The following UTS2 variants were observed in gnomAD, a reference collection of about 807,000 sequenced individuals.
The protein encoded by UTS2 is urotensin-2.
UTS2 carries 10 observed loss-of-function variants against 12.6 expected under a neutral mutation model. That is an observed-to-expected ratio of 0.80 (90% confidence interval 0.49 to 1.35). UTS2 has a LOEUF of 1.35. Among genes scored for constraint, UTS2 ranks in the 40% most tolerant of loss-of-function variants. The pLI is 0.00. For synonymous variants in UTS2, 52 were observed against 50.0 expected (o/e 1.04, Z -0.17); for missense variants, 142 against 143.2 (o/e 0.99, Z 0.04).
chr1:7,849,713 A>G (rs754784083), intron 2 of UTS2, 30 bp from the exon 3 acceptor site: 4 of 1,585,700 alleles, frequency 2.5e-6, no homozygotes, highest in Non-Finnish European at 3.4e-6. Flanking sequence ...CCAGTTCATC[A>G]GATCTGTTGT....
the UTS2 span, among the ~76,000 whole-genome samples, chr1:7,907,317 G>A: frequency 6.6e-6 from 1 of 151,488 alleles, no homozygotes; most frequent in Non-Finnish European, 1.5e-5. Flanking sequence ...GTGAAAGAGT[G>A]TGAGTGGAAG....
At chr1:7,891,536 A>AAAAGGAAGAAAGAAAG in the UTS2 span, among the ~76,000 whole-genome samples, 1 of 109,820 alleles carries the variant, frequency 9.1e-6, no homozygotes, top group Admixed American at 1.1e-4. Flanking sequence ...AGAAAGAAAG[A>AAAAGGAAGAAAGAAAG]AAAGAAAGAA....
chr1:7,891,970 G>A, the UTS2 span, among the ~76,000 whole-genome samples: 2 of 152,144 alleles, frequency 1.3e-5, no homozygotes, highest in African/African-American at 4.8e-5. Flanking sequence ...GGTGGCGACA[G>A]TTTCACACGT....
At chr1:7,874,653 C>A in the UTS2 span, among the ~76,000 whole-genome samples, 5 of 152,350 alleles carry the variant, frequency 3.3e-5, no homozygotes, top group African/African-American at 1.2e-4. Context: ...CCACTGACAG[C>A]ACCCCCACCA....
the UTS2 span, among the ~76,000 whole-genome samples, chr1:7,909,245 A>T: frequency 6.6e-6 from 1 of 152,150 alleles, no homozygotes; most frequent in Admixed American, 6.6e-5. Flanking sequence ...TAGCTTTTTG[A>T]AAGTTAATTA....
the UTS2 span, among the ~76,000 whole-genome samples, chr1:7,912,668 C>A: frequency 5.0e-4 from 76 of 152,220 alleles, no homozygotes; most frequent in African/African-American, 1.8e-3. Context: ...GTTGGCCAGG[C>A]TAGTCTCGAA....
chr1:7,909,848 C>T, the UTS2 span, among the ~76,000 whole-genome samples: 1 of 152,062 alleles, frequency 6.6e-6, no homozygotes, highest in Admixed American at 6.6e-5. Context: ...TCTCAAACTC[C>T]TGACCTCAAG....
At chr1:7,863,734 G>T in the UTS2 span, among the ~76,000 whole-genome samples, 2 of 152,172 alleles carry the variant, frequency 1.3e-5, no homozygotes, top group Admixed American at 1.3e-4. Flanking sequence ...CAAATTTAAC[G>T]TCTAGTTATC....
At chr1:7,907,580 G>A in the UTS2 span, among the ~76,000 whole-genome samples, 9 of 151,412 alleles carry the variant, frequency 5.9e-5, no homozygotes, top group Non-Finnish European at 7.4e-5. Flanking sequence ...GTTCAAGGCT[G>A]CAGTGAGCTA....
At chr1:7,857,380 G>A (rs759059294), upstream of UTS2, among the ~76,000 whole-genome samples, 7 of 151,732 alleles carry the variant, frequency 4.6e-5, no homozygotes, top group Non-Finnish European at 8.8e-5. Context: ...GTATCAAAAT[G>A]TAATTTTGGT....
the UTS2 span, among the ~76,000 whole-genome samples, chr1:7,863,082 T>C: frequency 0.017 from 1,612 of 96,776 alleles, 78 homozygotes; most frequent in African/African-American, 0.062. Context: ...TGTATTGTAT[T>C]GTATTGTATT....
the UTS2 span, among the ~76,000 whole-genome samples, chr1:7,863,397 C>T: frequency 6.6e-6 from 1 of 152,188 alleles, no homozygotes; most frequent in Non-Finnish European, 1.5e-5. Context: ...AGGCGTGAGC[C>T]ACCACGCCTG....
At chr1:7,858,259 C>T (rs773995687), upstream of UTS2, among the ~76,000 whole-genome samples, 4 of 152,352 alleles carry the variant, frequency 2.6e-5, no homozygotes, top group East Asian at 1.9e-4. Flanking sequence ...CGTCATTCCA[C>T]GCTAATGGCC....
At chr1:7,903,116 T>A in the UTS2 span, among the ~76,000 whole-genome samples, 1 of 32,352 alleles carries the variant, frequency 3.1e-5, no homozygotes, top group African/African-American at 9.3e-5. Flanking sequence ...CTGCTTCCCC[T>A]CCTTCCCCTC....
chr1:7,868,620 C>T, the UTS2 span, among the ~76,000 whole-genome samples: 1 of 152,252 alleles, frequency 6.6e-6, no homozygotes, highest in African/African-American at 2.4e-5. Flanking sequence ...CCCTGTCGCC[C>T]TGTGTGGCAG....
At chr1:7,859,395 T>A in the UTS2 span, among the ~76,000 whole-genome samples, 3,219 of 149,242 alleles carry the variant, frequency 0.022, 109 homozygotes, top group African/African-American at 0.074. Flanking sequence ...CCTGAGGGGG[T>A]CACAGGCCCC....
chr1:7,905,693 C>T, the UTS2 span, among the ~76,000 whole-genome samples: 4 of 152,136 alleles, frequency 2.6e-5, no homozygotes, highest in South Asian at 8.3e-4. Flanking sequence ...GCAACATCAG[C>T]TCTTCCCTGG....
the UTS2 span, among the ~76,000 whole-genome samples, chr1:7,908,046 T>A: frequency 6.6e-6 from 1 of 150,922 alleles, no homozygotes; most frequent in African/African-American, 2.4e-5. Flanking sequence ...CATGCTGTAA[T>A]CCCAGCATTT....
At chr1:7,906,200 CATG>C in the UTS2 span, among the ~76,000 whole-genome samples, 1 of 152,038 alleles carries the variant, frequency 6.6e-6, no homozygotes. Flanking sequence ...AGAAGCATTT[CATG>C]ATAAGTGGAG....
Sources: allele counts gnomAD v4.1 joint callset (sites outside exome capture counted in the v4.1 genomes callset), GRCh38; gene constraint gnomAD v4.1.1; transcripts MANE v1.5; gene names NCBI Gene and HGNC (gene_info 2026-07-23, HGNC 2026-07-21).